The following PRR5L variants were observed in gnomAD, a reference collection of about 807,000 sequenced individuals.
PRR5L encodes the protein proline rich 5 like.
PRR5L carries 21 observed loss-of-function variants against 36.4 expected under a neutral mutation model. That is an observed-to-expected ratio of 0.58 (90% CI 0.41 to 0.83). The LOEUF (loss-of-function observed/expected upper bound fraction) is 0.83. PRR5L is among the 40% of genes least tolerant of loss of function. The pLI is 0.00. For missense variants in PRR5L, 381 were observed against 473.3 expected (o/e 0.80, Z 1.81); for synonymous variants, 188 against 197.0 (o/e 0.95, Z 0.38).
chr11:36,389,846 C>G (rs974778273), intron 1 of PRR5L, among the ~76,000 whole-genome samples: 1 of 152,116 alleles, frequency 6.6e-6, no homozygotes, highest in Admixed American at 6.5e-5. Context: ...CTCCTGAGCT[C>G]AGGTGATCCA....
At chr11:36,381,086 T>C (rs1349050407) in intron 1 of PRR5L, among the ~76,000 whole-genome samples, 1 of 152,236 alleles carries the variant, frequency 6.6e-6, no homozygotes, top group African/African-American at 2.4e-5. Context: ...GCTTTCATTC[T>C]TCTTTTTCTC....
intron 1 of PRR5L, among the ~76,000 whole-genome samples, chr11:36,301,319 T>C (rs193228153): frequency 6.6e-6 from 1 of 152,080 alleles, no homozygotes; most frequent in East Asian, 1.9e-4. Context: ...GGTTTGTCTT[T>C]TAGAGGGAAC....
intron 8 of PRR5L, among the ~76,000 whole-genome samples, chr11:36,456,948 T>G (rs1042364032): frequency 1.3e-5 from 2 of 152,170 alleles, no homozygotes; most frequent in Non-Finnish European, 2.9e-5. Context: ...TGGGGACAGG[T>G]GGTGTTGTGG....
intron 1 of PRR5L, among the ~76,000 whole-genome samples, chr11:36,307,216 C>A (rs558013029): frequency 3.3e-5 from 5 of 152,278 alleles, no homozygotes; most frequent in Middle Eastern, 3.4e-3. Flanking sequence ...CTACTAGACA[C>A]AACAAGTTTG....
At chr11:36,337,372 G>A (rs1856778716) in intron 1 of PRR5L, among the ~76,000 whole-genome samples, 1 of 152,110 alleles carries the variant, frequency 6.6e-6, no homozygotes, top group Admixed American at 6.6e-5. Context: ...CATCTATGAA[G>A]CAGTGAGCAA....
At chr11:36,414,650 C>A (rs1858102637) in intron 3 of PRR5L, among the ~76,000 whole-genome samples, 1 of 143,256 alleles carries the variant, frequency 7.0e-6, no homozygotes, top group South Asian at 2.3e-4. Flanking sequence ...AATTTTCTCC[C>A]ATTTTGTAGG....
chr11:36,339,295 T>C (rs1856797164), intron 1 of PRR5L, among the ~76,000 whole-genome samples: 2 of 152,232 alleles, frequency 1.3e-5, no homozygotes, highest in African/African-American at 2.4e-5. Context: ...GGTTTTGCCA[T>C]GTTGGCCAGG....
chr11:36,437,612 ATTGT>A, intron 6 of PRR5L, 136 bp downstream of exon 6: 1 of 588,230 alleles, frequency 1.7e-6, no homozygotes, highest in East Asian at 2.9e-5. Context: ...GAGTTTAGAG[ATTGT>A]TTAAGGGCTC....
intron 1 of PRR5L, among the ~76,000 whole-genome samples, chr11:36,371,711 C>T (rs928894198): frequency 3.9e-5 from 6 of 152,176 alleles, no homozygotes; most frequent in African/African-American, 9.7e-5. Context: ...AACACCTAAA[C>T]GTGGCAGACA....
At chr11:36,422,090 G>T (rs912081994) in intron 4 of PRR5L, among the ~76,000 whole-genome samples, 1 of 152,198 alleles carries the variant, frequency 6.6e-6, no homozygotes, top group Non-Finnish European at 1.5e-5. Flanking sequence ...AATCATGTAG[G>T]TGGCCCTGGC....
At chr11:36,316,119 A>T (rs138181120) in intron 1 of PRR5L, among the ~76,000 whole-genome samples, 2 of 152,326 alleles carry the variant, frequency 1.3e-5, no homozygotes, top group East Asian at 3.9e-4. Flanking sequence ...TTTTTTATGA[A>T]GGGCGAGATA....
At chr11:36,340,451 G>A (rs192079485) in intron 1 of PRR5L, among the ~76,000 whole-genome samples, 13 of 152,264 alleles carry the variant, frequency 8.5e-5, no homozygotes, top group South Asian at 4.1e-4. Flanking sequence ...TACAGAGTGC[G>A]CATGCATATA....
chr11:36,313,055 A>G (rs952084398), intron 1 of PRR5L, among the ~76,000 whole-genome samples: 1 of 152,252 alleles, frequency 6.6e-6, no homozygotes, highest in Non-Finnish European at 1.5e-5. Flanking sequence ...AGCTGTGTTC[A>G]CAGAACATCC....
intron 8 of PRR5L, among the ~76,000 whole-genome samples, chr11:36,454,487 C>A (rs1463809643): frequency 2.0e-5 from 3 of 152,152 alleles, no homozygotes; most frequent in Non-Finnish European, 4.4e-5. Flanking sequence ...TGATAAACCC[C>A]TTTACCTATG....
At chr11:36,448,154 T>A (rs1350094842) in intron 7 of PRR5L, among the ~76,000 whole-genome samples, 1 of 152,100 alleles carries the variant, frequency 6.6e-6, no homozygotes, top group Non-Finnish European at 1.5e-5. Flanking sequence ...ATTCCAACAT[T>A]CCGGGCCCTG....
At chr11:36,310,368 G>A (rs1449340513) in intron 1 of PRR5L, among the ~76,000 whole-genome samples, 5 of 152,122 alleles carry the variant, frequency 3.3e-5, no homozygotes, top group Non-Finnish European at 7.3e-5. Flanking sequence ...ACTTTAATAA[G>A]AATGAGCCCA....
Position 36,437,471 on chromosome 11 carries a change from G to A in PRR5L, c.439G>A (p.Val147Ile). Residue 147 changes from valine to isoleucine, a missense_variant, in exon 6 of 9, where the codon GTT (valine) becomes ATT (isoleucine). Transcript: ENST00000530639. ...LPTLQAIFYP[V>I]QGQELTIRQI... The stretch of plus-strand genomic sequence containing the variant: ...TACCCTGCAGGCAATATTTTATCCA[G>A]TTCAGGTTAGTCTCATTGGGGAACA... 1 of 1,585,438 alleles carries A rather than the reference G, an allele frequency of 6.3e-7. No homozygotes were observed. The highest frequency in any genetic ancestry group is 8.7e-7 in the Non-Finnish European group (1 of 1,155,076).
rs1336670210 is a variant in PRR5L, at chr11:36,377,788, C to T, written c.-125-23209C>T. The T allele has an allele frequency of 6.6e-6, 1 of 152,212 alleles. No homozygotes were observed. The highest frequency in any genetic ancestry group is 2.1e-4 in the South Asian group (1 of 4,832). 9.4% of individuals were successfully genotyped at this position (152,212 alleles called of 1,614,324 possible). A position where few individuals can be genotyped will look rare whatever the true frequency, so the allele number is the denominator to read the frequency against. The stretch of plus-strand genomic sequence containing the variant: ...CAAGGTTTCAATTACTGCGATGCGC[C>T]CCACAAGACGAAAGGTTCACGCGCT... On this transcript the variant is annotated intron_variant, in intron 1 of 8. Transcript: ENST00000530639. The surrounding 1 kb of genome is among the most constrained non-coding windows in gnomAD (Gnocchi z 5.1).
At chr11:36,326,198 C>T (rs1856660231) in intron 1 of PRR5L, among the ~76,000 whole-genome samples, 1 of 151,516 alleles carries the variant, frequency 6.6e-6, no homozygotes, top group Non-Finnish European at 1.5e-5. Context: ...ATCTGTGTCC[C>T]TTCATCCTCC....
Sources: allele counts gnomAD v4.1 joint callset (sites outside exome capture counted in the v4.1 genomes callset), GRCh38; gene constraint gnomAD v4.1.1; non-coding constraint Gnocchi (gnomAD v3.1); transcripts MANE v1.5; gene names NCBI Gene and HGNC (gene_info 2026-07-23, HGNC 2026-07-21).